Variants in NBAS observed in about 807,000 individuals in gnomAD.
NBAS encodes the protein NBAS subunit of NRZ tethering complex.
NBAS carries 219 observed loss-of-function variants against 302.5 expected under a neutral mutation model. The ratio of observed to expected loss-of-function variants is 0.72; its 90% CI spans 0.65 to 0.81. NBAS has a LOEUF of 0.81. Ranked by LOEUF, NBAS falls within the 30% of genes least tolerant of loss-of-function variation. The pLI is 0.00. For missense variants in NBAS, 2,932 were observed against 2,841.6 expected (o/e 1.03, Z -0.72); for synonymous variants, 1,118 against 1,021.6 (o/e 1.09, Z -1.80).
At chr2:14,781,117 A>C in the NBAS span, among the ~76,000 whole-genome samples, 44 of 152,242 alleles carry the variant, frequency 2.9e-4, no homozygotes, top group Non-Finnish European at 1.5e-5. Flanking sequence ...GTTCTCTGCC[A>C]TCTCCCTCTT....
chr2:15,457,496 C>G (rs1679300616), intron 21 of NBAS, among the ~76,000 whole-genome samples: 1 of 152,192 alleles, frequency 6.6e-6, no homozygotes, highest in Admixed American at 6.5e-5. Flanking sequence ...GCAGAATGAG[C>G]TGCAATTACT....
At chr2:15,511,433 G>C (rs1487295426) in intron 9 of NBAS, 83 bp from the exon 10 acceptor site, 1 of 1,307,200 alleles carries the variant, frequency 7.6e-7, no homozygotes, top group Non-Finnish European at 1.1e-6. Flanking sequence ...CAGTCACCTT[G>C]AGAAAGAAAA....
At chr2:15,181,709 T>G (rs1215162142) in intron 50 of NBAS, among the ~76,000 whole-genome samples, 1 of 152,224 alleles carries the variant, frequency 6.6e-6, no homozygotes, top group African/African-American at 2.4e-5. Context: ...CCCAGTGGAC[T>G]ATGATTTATG....
At chr2:14,814,617 T>C in the NBAS span, among the ~76,000 whole-genome samples, 1 of 152,256 alleles carries the variant, frequency 6.6e-6, no homozygotes, top group South Asian at 2.1e-4. Flanking sequence ...GGTAACTAAC[T>C]TGTTTTTTAT....
chr2:14,781,265 T>C, the NBAS span, among the ~76,000 whole-genome samples: 3 of 152,252 alleles, frequency 2.0e-5, no homozygotes, highest in African/African-American at 7.2e-5. Flanking sequence ...GTAGTGCCTT[T>C]ACAATTTAGC....
At chr2:15,289,002 T>C (rs576861593) in intron 41 of NBAS, among the ~76,000 whole-genome samples, 1 of 152,368 alleles carries the variant, frequency 6.6e-6, no homozygotes, top group African/African-American at 2.4e-5. Flanking sequence ...TCATGGGCTA[T>C]AAAAGAGACC....
the NBAS span, among the ~76,000 whole-genome samples, chr2:15,154,897 G>A: frequency 6.6e-6 from 1 of 150,568 alleles, no homozygotes; most frequent in East Asian, 2.0e-4. Context: ...TCCAGCCCTA[G>A]GGCTCCCTAC....
At chr2:15,117,829 C>T in the NBAS span, among the ~76,000 whole-genome samples, 1 of 152,208 alleles carries the variant, frequency 6.6e-6, no homozygotes, top group South Asian at 2.1e-4. Context: ...AGGCCACACC[C>T]TCAGCCGGTC....
the NBAS span, among the ~76,000 whole-genome samples, chr2:14,867,770 A>G: frequency 6.6e-6 from 1 of 152,252 alleles, no homozygotes; most frequent in Non-Finnish European, 1.5e-5. Context: ...AGAAAGGACC[A>G]TGTTTATACA....
the NBAS span, among the ~76,000 whole-genome samples, chr2:14,835,481 A>C: frequency 6.6e-5 from 10 of 151,942 alleles, no homozygotes; most frequent in Non-Finnish European, 1.0e-4. Flanking sequence ...CCTAAAAAAA[A>C]CTACTATCTT....
rs148891557 is a variant in NBAS at position 15,411,819 on chromosome 2, G to A, written c.2937+3727C>T. ...TATATCTGGATTGAGCATAGAAAAT[G>A]CTAAGAAAAAATGCACATGGTTCTG... is the stretch of plus-strand genomic sequence containing the variant. On this transcript the variant is annotated intron_variant, in intron 25 of 51. Coordinates refer to ENST00000281513, the MANE Select transcript of NBAS (RefSeq NM_015909.4). Among the ~76,000 whole-genome samples, 1,027 of 152,232 alleles carry A rather than the reference G, an allele frequency of 6.7e-3. 12 individuals carry two copies. Among genetic ancestry groups the A allele is most frequent in the African/African-American group, 0.022 (927 of 41,540 alleles).
chr2:15,375,254 G>C (rs1456188887), intron 30 of NBAS, among the ~76,000 whole-genome samples: 1 of 152,186 alleles, frequency 6.6e-6, no homozygotes, highest in South Asian at 2.1e-4. Flanking sequence ...TGAACCATAG[G>C]AGAAAGTGAT....
At chr2:15,187,138 C>T (rs998186931) in intron 49 of NBAS, among the ~76,000 whole-genome samples, 2 of 152,078 alleles carry the variant, frequency 1.3e-5, no homozygotes, top group African/African-American at 4.8e-5. Context: ...CAGACAGACT[C>T]GGGCCCAAAT....
At chr2:15,355,968 C>A (rs1296947865) in intron 33 of NBAS, among the ~76,000 whole-genome samples, 1 of 151,998 alleles carries the variant, frequency 6.6e-6, no homozygotes. Context: ...TAGACACAAA[C>A]TAATATAAAA....
the NBAS span, among the ~76,000 whole-genome samples, chr2:15,078,275 G>A: frequency 6.6e-6 from 1 of 152,072 alleles, no homozygotes; most frequent in Non-Finnish European, 1.5e-5. Context: ...TATGGTGGCT[G>A]GTATGGGAAT....
intron 7 of NBAS, among the ~76,000 whole-genome samples, 175 bp from the exon 8 acceptor site, chr2:15,536,726 A>G (rs1572985419): frequency 6.6e-6 from 1 of 152,226 alleles, no homozygotes; most frequent in South Asian, 2.1e-4. Flanking sequence ...AGAGCTAGAC[A>G]CCCAAATCTA....
At chr2:15,555,449 G>C (rs1664602058) in intron 3 of NBAS, among the ~76,000 whole-genome samples, 1 of 152,016 alleles carries the variant, frequency 6.6e-6, no homozygotes, top group Non-Finnish European at 1.5e-5. Context: ...AAGGACTTGA[G>C]ATGTAACATT....
At chr2:14,987,162 C>T in the NBAS span, among the ~76,000 whole-genome samples, 1 of 151,882 alleles carries the variant, frequency 6.6e-6, no homozygotes, top group Non-Finnish European at 1.5e-5. Context: ...AGCACATGTA[C>T]TTTAAATTAA....
intron 48 of NBAS, among the ~76,000 whole-genome samples, chr2:15,217,403 T>A (rs993584380): frequency 7.9e-5 from 12 of 152,232 alleles, no homozygotes; most frequent in African/African-American, 2.9e-4. Context: ...TATCTGATAA[T>A]AATTACAAAG....
Sources: allele counts gnomAD v4.1 joint callset (sites outside exome capture counted in the v4.1 genomes callset), GRCh38; gene constraint gnomAD v4.1.1; transcripts MANE v1.5; gene names NCBI Gene and HGNC (gene_info 2026-07-23, HGNC 2026-07-21).